The following FSTL4 variants were observed in gnomAD, a reference collection of about 807,000 sequenced individuals.
FSTL4 encodes the protein follistatin like 4, also known as follistatin-related protein 4.
Under a neutral mutation model 78.2 loss-of-function variants are expected in FSTL4, and 28 were observed. That is an observed-to-expected ratio of 0.36 (90% CI 0.27 to 0.49). The LOEUF is 0.49. FSTL4 is among the 20% of genes least tolerant of loss of function. The pLI is 0.98. For synonymous variants in FSTL4, 422 were observed against 440.5 expected (o/e 0.96, Z 0.53); for missense variants, 922 against 1,084.9 (o/e 0.85, Z 2.11).
intron 2 of FSTL4, among the ~76,000 whole-genome samples, chr5:133,572,404 A>T (rs1760178117): frequency 6.6e-6 from 1 of 152,172 alleles, no homozygotes; most frequent in Admixed American, 6.5e-5. Flanking sequence ...TTAAAATTTG[A>T]AAAAAACATT....
Position 133,448,746 on chromosome 5 carries a change from G to C in FSTL4, c.161-47760C>G, listed in dbSNP as rs555731502. On this transcript the variant is annotated intron_variant, in intron 3 of 15. Coordinates refer to ENST00000265342, the MANE Select transcript of FSTL4 (RefSeq NM_015082.2). ...TCCCCAGGGGTGCGGGGGCGGGGGG[G>C]GGGGGCGCTCAGAATTTTCCGCCTT... Among the ~76,000 whole-genome samples the C allele has an allele frequency of 5.4e-5, 8 of 147,746 alleles. No individual in the cohort carries two copies. The East Asian group carries it at 1.4e-3, about 26-fold the overall frequency.
chr5:133,777,428 A>G, the FSTL4 span, among the ~76,000 whole-genome samples: 2 of 151,728 alleles, frequency 1.3e-5, no homozygotes, highest in East Asian at 3.9e-4. Context: ...AACAGATATC[A>G]ATTAACTTAT....
At chr5:133,647,835 A>C in the FSTL4 span, among the ~76,000 whole-genome samples, 1 of 152,142 alleles carries the variant, frequency 6.6e-6, no homozygotes, top group African/African-American at 2.4e-5. Context: ...AAGGGAAGTG[A>C]TATGGTTTGG....
At chr5:133,806,377 T>C in the FSTL4 span, among the ~76,000 whole-genome samples, 1 of 152,210 alleles carries the variant, frequency 6.6e-6, no homozygotes, top group African/African-American at 2.4e-5. Context: ...ATTACAGAGG[T>C]GCTCATAGGT....
chr5:133,458,714 C>T (rs1757538361), intron 3 of FSTL4, among the ~76,000 whole-genome samples: 1 of 152,220 alleles, frequency 6.6e-6, no homozygotes, highest in African/African-American at 2.4e-5. Context: ...TTACCAGGGC[C>T]TCACAGACAC....
intron 3 of FSTL4, among the ~76,000 whole-genome samples, chr5:133,533,908 G>GCTGCAGTGCTCCTC (rs1311922594): frequency 1.3e-4 from 19 of 151,996 alleles, no homozygotes; most frequent in African/African-American, 3.4e-4. Context: ...CCTTGCTCCT[G>GCTGCAGTGCTCCTC]CTGCAGTGCT....
intron 3 of FSTL4, among the ~76,000 whole-genome samples, chr5:133,499,366 G>T (rs1758439131): frequency 2.7e-5 from 2 of 74,928 alleles, no homozygotes; most frequent in Admixed American, 3.0e-4. Flanking sequence ...AACACAAGGG[G>T]AATACACACA....
intron 3 of FSTL4, among the ~76,000 whole-genome samples, chr5:133,467,023 T>A (rs1054351489): frequency 6.6e-6 from 1 of 151,854 alleles, no homozygotes; most frequent in Non-Finnish European, 1.5e-5. Context: ...TGAGCATGTG[T>A]GAGTGTATGT....
chr5:133,476,039 A>G (rs748478315), intron 3 of FSTL4, among the ~76,000 whole-genome samples: 5 of 152,114 alleles, frequency 3.3e-5, no homozygotes, highest in Non-Finnish European at 7.3e-5. Flanking sequence ...AAGTTCAGGA[A>G]AGGAGGAGGA....
At chr5:133,358,343 T>C (rs1460945752) in intron 4 of FSTL4, among the ~76,000 whole-genome samples, 28 of 152,144 alleles carry the variant, frequency 1.8e-4, no homozygotes, top group Admixed American at 1.8e-3. Flanking sequence ...ACTGGCCAAT[T>C]CAGCCCGTCA....
chr5:133,322,987 A>C (rs554741531), intron 4 of FSTL4, among the ~76,000 whole-genome samples: 2 of 152,282 alleles, frequency 1.3e-5, no homozygotes, highest in East Asian at 1.9e-4. Context: ...TTACAGTATG[A>C]AATGCTTGTT....
At chr5:133,265,933 G>A (rs1456120053) in intron 6 of FSTL4, among the ~76,000 whole-genome samples, 2 of 152,174 alleles carry the variant, frequency 1.3e-5, no homozygotes, top group Non-Finnish European at 2.9e-5. Context: ...CCACCCACAC[G>A]ATGGGGGATT....
intron 3 of FSTL4, among the ~76,000 whole-genome samples, chr5:133,476,610 T>C (rs1467751749): frequency 6.6e-6 from 1 of 152,208 alleles, no homozygotes; most frequent in Non-Finnish European, 1.5e-5. Flanking sequence ...ACTTACCTCC[T>C]TGGTAAACTC....
chr5:133,703,960 G>A, the FSTL4 span, among the ~76,000 whole-genome samples: 1 of 152,168 alleles, frequency 6.6e-6, no homozygotes, highest in Non-Finnish European at 1.5e-5. Context: ...GGCAATATAG[G>A]AGAAAACCTC....
chr5:133,536,669 GT>G (rs1759356342), intron 3 of FSTL4, among the ~76,000 whole-genome samples: 2 of 152,058 alleles, frequency 1.3e-5, no homozygotes, highest in South Asian at 4.2e-4. Context: ...AATTTTACTT[GT>G]TTTTGTCATT....
At chr5:133,696,134 C>T in the FSTL4 span, among the ~76,000 whole-genome samples, 522 of 152,340 alleles carry the variant, frequency 3.4e-3, 6 homozygotes, top group African/African-American at 0.012. Context: ...TTTCCCATGG[C>T]TGGTCCGTAG....
chr5:133,399,819 A>G (rs896344834), intron 4 of FSTL4, among the ~76,000 whole-genome samples: 1 of 152,210 alleles, frequency 6.6e-6, no homozygotes, highest in Non-Finnish European at 1.5e-5. Flanking sequence ...AGCTCAGGCT[A>G]TGTGGGCCTG....
At chr5:133,227,039 A>G (rs10038863) in intron 8 of FSTL4, among the ~76,000 whole-genome samples, 91,706 of 152,084 alleles carry the variant, frequency 0.6, 29,060 homozygotes, top group African/African-American at 0.81. Context: ...TGAATTTCAA[A>G]TCTTTTCTTG....
At chr5:133,477,128 AGGTTTAAAATTT>A (rs1282379103) in intron 3 of FSTL4, among the ~76,000 whole-genome samples, 2 of 152,240 alleles carry the variant, frequency 1.3e-5, no homozygotes, top group African/African-American at 2.4e-5. Flanking sequence ...CCTACTATTT[AGGTTTAAAATTT>A]GGTTTAAAAT....
Sources: allele counts gnomAD v4.1 joint callset (sites outside exome capture counted in the v4.1 genomes callset), GRCh38; gene constraint gnomAD v4.1.1; transcripts MANE v1.5; gene names NCBI Gene and HGNC (gene_info 2026-07-23, HGNC 2026-07-21).